DUSP16: variants seen among roughly 807,000 people sequenced by gnomAD.
DUSP16 encodes dual specificity phosphatase 16.
DUSP16 carries 21 observed loss-of-function variants against 58.3 expected under a neutral mutation model. The ratio of observed to expected loss-of-function variants is 0.36; its 90% CI spans 0.26 to 0.52. The LOEUF is 0.52. DUSP16 is among the 20% of genes least tolerant of loss of function. The pLI, the probability that DUSP16 is intolerant of heterozygous loss-of-function variation, is 0.94. For missense variants in DUSP16, 726 were observed against 819.0 expected (o/e 0.89, Z 1.39); for synonymous variants, 320 against 323.8 (o/e 0.99, Z 0.12).
At chr12:12,528,606 C>T (rs1944337960) in intron 1 of DUSP16, among the ~76,000 whole-genome samples, 1 of 152,162 alleles carries the variant, frequency 6.6e-6, no homozygotes, top group Admixed American at 6.5e-5. Context: ...AGTCAACTAA[C>T]AAGTACTTAT....
At chr12:12,482,509 CTG>C (rs1565976580) in intron 5 of DUSP16, among the ~76,000 whole-genome samples, 1 of 147,610 alleles carries the variant, frequency 6.8e-6, no homozygotes, top group South Asian at 2.2e-4. Flanking sequence ...GAGCCCTAAA[CTG>C]TGTCTTCAAG....
At chr12:12,479,227 T>G (rs1465357666) in intron 6 of DUSP16, among the ~76,000 whole-genome samples, 14 of 151,182 alleles carry the variant, frequency 9.3e-5, no homozygotes, top group Admixed American at 8.6e-4. Flanking sequence ...ACTTTTCAGG[T>G]GATGGAGGAG....
In DUSP16 at chr12:12,481,942, A is replaced by C. The variant is rs115972556; in HGVS notation, c.692-1596T>G. 5.5e-3 allele frequency among the ~76,000 whole-genome samples: 835 copies of C among 152,278 alleles called. 9 individuals are homozygous for C. The highest frequency in any genetic ancestry group is 0.018 in the African/African-American group (762 of 41,548). On this transcript the variant is annotated intron_variant, in intron 5 of 6. Transcript: ENST00000298573. ...ATTTCAATAAGAAGTAGCAATTCAG[A>C]CTTTTTGTCAGTTACTGTACATTTC...
chr12:12,477,635 G>A lies in DUSP16; in HGVS notation c.1196C>T (p.Ser399Phe). 6.2e-7 allele frequency: 1 copy of A among 1,614,226 alleles called. No homozygotes were observed. The highest frequency in any genetic ancestry group is 8.5e-7 in the Non-Finnish European group (1 of 1,180,040). ...RLEDSNKLKR[S>F]FSLDIKSVSY... is the part of the protein sequence containing the mutation. The stretch of plus-strand genomic sequence containing the variant: ...AACTGATTTGATATCCAGAGAGAAG[G>A]AACGCTTGAGCTTATTGCTGTCTTC... The change falls in exon 7 of 7, where the codon TCC becomes TTC. Residue 399 changes from serine (S) to phenylalanine (F), a missense_variant. By Grantham distance (155) the Ser-to-Phe change is radical (BLOSUM62 -2). Transcript: ENST00000298573. This position sits in a 1 kb window ranked among gnomAD's most constrained non-coding sequence, Gnocchi z 4.1.
intron 3 of DUSP16, among the ~76,000 whole-genome samples, chr12:12,516,920 C>T: frequency 6.6e-6 from 1 of 152,218 alleles, no homozygotes; most frequent in East Asian, 1.9e-4. Context: ...AAGCCCACTG[C>T]ATTCCTGTAG....
At chr12:12,526,364 T>C (rs1944308398) in intron 1 of DUSP16, among the ~76,000 whole-genome samples, 1 of 152,214 alleles carries the variant, frequency 6.6e-6, no homozygotes, top group Non-Finnish European at 1.5e-5. Context: ...AATGTATTTA[T>C]GACTATAACA....
chr12:12,510,495 C>G (rs1377162406), intron 3 of DUSP16, among the ~76,000 whole-genome samples: 2 of 152,162 alleles, frequency 1.3e-5, no homozygotes, highest in Non-Finnish European at 2.9e-5. Context: ...GTGTACAGTC[C>G]TCCTCTTTGG....
intron 1 of DUSP16, among the ~76,000 whole-genome samples, chr12:12,555,403 C>G (rs1043667257): frequency 2.0e-5 from 3 of 152,190 alleles, no homozygotes; most frequent in Non-Finnish European, 4.4e-5. Context: ...GGTGTAAGAA[C>G]TGACTGAAAT....
At chr12:12,534,991 A>C (rs1944445213) in intron 1 of DUSP16, among the ~76,000 whole-genome samples, 3 of 152,232 alleles carry the variant, frequency 2.0e-5, no homozygotes, top group Admixed American at 6.5e-5. Flanking sequence ...GGAAGACACA[A>C]ATTCTCAGGA....
At chr12:12,561,666 T>C (rs1020530391) in intron 1 of DUSP16, among the ~76,000 whole-genome samples, 22 of 152,270 alleles carry the variant, frequency 1.4e-4, no homozygotes, top group African/African-American at 4.8e-4. Context: ...CTGGGGATAA[T>C]GGGAACAGTC....
chr12:12,524,927 T>TA lies in DUSP16; in HGVS notation c.-365-3465dup, dbSNP rs1014623774. On this transcript the variant is annotated intron_variant, in intron 1 of 6. Coordinates refer to ENST00000298573, the MANE Select transcript of DUSP16 (RefSeq NM_030640.3). ...TGAAACTTCAGCAAATACATTTAAATAAAAAAAAACTAAATATATTCATAA... is the reference window on the plus strand; with the variant it reads ...TGAAACTTCAGCAAATACATTTAAATAAAAAAAAAACTAAATATATTCATAA... Among the ~76,000 whole-genome samples the TA allele has an allele frequency of 2.2e-3, 337 of 151,832 alleles. 2 individuals carry two copies. Among genetic ancestry groups the TA allele is most frequent in the African/African-American group, 7.3e-3 (302 of 41,420 alleles).
In DUSP16 at chr12:12,477,126, C is replaced by T. The variant is rs775023097; in HGVS notation, c.1705G>A (p.Ala569Thr). Reference protein sequence around the residue: ...FATESSHFYSASAIYGGSASY... With the variant: ...FATESSHFYSTSAIYGGSASY... ...GCACTGCCTCCGTAGATGGCTGAGG[C>T]AGAGTAGAAGTGTGAGGACTCTGTG... Residue 569 changes from alanine (A) to threonine (T), a missense_variant, in exon 7 of 7, where the codon GCC becomes ACC. Coordinates refer to ENST00000298573, the MANE Select transcript of DUSP16 (RefSeq NM_030640.3). This position sits in a 1 kb window ranked among gnomAD's most constrained non-coding sequence, Gnocchi z 4.1. 3 of 1,614,186 alleles carry T rather than the reference C, an allele frequency of 1.9e-6. No individual in the cohort carries two copies. Among genetic ancestry groups the T allele is most frequent in the East Asian group, 4.5e-5 (2 of 44,880 alleles).
intron 4 of DUSP16, 65 bp from the exon 5 acceptor site, chr12:12,487,252 A>C: frequency 6.5e-7 from 1 of 1,544,202 alleles, no homozygotes; most frequent in South Asian, 1.2e-5. Context: ...ATTCTGAAAG[A>C]GTGAAGTTTA....
At chr12:12,552,236 G>A (rs376639617) in intron 1 of DUSP16, among the ~76,000 whole-genome samples, 5 of 151,928 alleles carry the variant, frequency 3.3e-5, no homozygotes, top group South Asian at 4.2e-4. Flanking sequence ...ACTTGGGGTC[G>A]GGAGTTTGAG....
Position 12,562,568 on chromosome 12 carries a change from G to T in DUSP16, c.-817C>A, listed in dbSNP as rs1944923965. ...TAGAAAGAGGGGGAAAGGCGGGGGG[G>T]TGGGGTGGGGGGTTGGGGGAAAGAG... On this transcript the variant is annotated 5_prime_UTR_variant, in exon 1 of 7. Coordinates refer to ENST00000298573, the MANE Select transcript of DUSP16 (RefSeq NM_030640.3). Among the ~76,000 whole-genome samples, 1 of 146,482 alleles carries T rather than the reference G, an allele frequency of 6.8e-6. No homozygotes were observed. The highest frequency in any genetic ancestry group is 1.5e-5 in the Non-Finnish European group (1 of 66,068).
chr12:12,522,335 A>G (rs957234286), intron 1 of DUSP16, among the ~76,000 whole-genome samples: 1 of 152,230 alleles, frequency 6.6e-6, no homozygotes, highest in African/African-American at 2.4e-5. Context: ...TTGGCAACCC[A>G]GACATAGAGA....
chr12:12,522,452 C>T (rs565767616), intron 1 of DUSP16, among the ~76,000 whole-genome samples: 2 of 152,252 alleles, frequency 1.3e-5, no homozygotes, highest in South Asian at 4.1e-4. Context: ...TGGACTTCAC[C>T]TTGACCTTCA....
rs970269477 is a variant in DUSP16 at position 12,506,426 on chromosome 12, G to A, written c.368-5744C>T. 9.9e-5 allele frequency among the ~76,000 whole-genome samples: 15 copies of A among 152,256 alleles called. 1 individual carries two copies. In the South Asian group the frequency reaches 2.7e-3, roughly 27 times the overall value. ...AAGACATAACATCAGTCCGTTATCC[G>A]CTATTTACTGTGAAAAGCAGTACCG... On this transcript the variant is annotated intron_variant, in intron 3 of 6. Coordinates refer to ENST00000298573, the MANE Select transcript of DUSP16 (RefSeq NM_030640.3).
intron 4 of DUSP16, among the ~76,000 whole-genome samples, chr12:12,495,542 GCAGT>G (rs1943817382): frequency 6.6e-6 from 1 of 152,106 alleles, no homozygotes; most frequent in South Asian, 2.1e-4. Flanking sequence ...GCTTTCTCCT[GCAGT>G]CAGACTAATT....
Sources: gnomAD v4.1 joint callset for allele counts (sites outside exome capture counted in the v4.1 genomes callset) on GRCh38, gnomAD v4.1.1 for gene constraint, Gnocchi (gnomAD v3.1) non-coding constraint, MANE v1.5 for transcripts, NCBI Gene and HGNC (gene_info 2026-07-23, HGNC 2026-07-21) for gene names.